Variants in HPS5 observed in about 807,000 individuals in gnomAD.
HPS5 encodes HPS5 biogenesis of lysosomal organelles complex 2 subunit 2.
In HPS5, 83 loss-of-function variants were observed where a neutral mutation model predicts 128.0. The ratio of observed to expected loss-of-function variants is 0.65; its 90% CI spans 0.54 to 0.78. The LOEUF (loss-of-function observed/expected upper bound fraction) is 0.78. Ranked by LOEUF, HPS5 falls within the 30% of genes least tolerant of loss-of-function variation. The pLI is 0.00. For synonymous variants in HPS5, 475 were observed against 470.2 expected, an observed-to-expected ratio of 1.01 and a Z score of -0.13; for missense variants, 1,281 against 1,326.2, an observed-to-expected ratio of 0.97 and a Z score of 0.53.
rs1396684052 is a variant in HPS5 at position 18,292,762 on chromosome 11, G to A, written c.1862+137C>T. 10 of 746,298 alleles carry A rather than the reference G, an allele frequency of 1.3e-5. No individual in the cohort carries two copies. The East Asian group carries it at 2.7e-4, about 20-fold the overall frequency. The allele number at this position is 746,298 out of a possible 1,614,324, so 46.2% of individuals were successfully genotyped here. ...GAAGGCAACTTGGACTTAATAAAAG[G>A]AAAGACCATTTATAGCAACTTCTCT... On this transcript the variant is annotated intron_variant, in intron 15 of 22. Coordinates refer to ENST00000349215, the MANE Select transcript of HPS5 (RefSeq NM_181507.2).
At chr11:18,287,125 G>GGGCA (rs1859847893) in intron 18 of HPS5, among the ~76,000 whole-genome samples, 2 of 152,052 alleles carry the variant, frequency 1.3e-5, no homozygotes, top group African/African-American at 4.8e-5. Context: ...AATAAGCCAG[G>GGGCA]GGCACAGGTC....
chr11:18,308,422 G>A (rs767098393), intron 6 of HPS5, among the ~76,000 whole-genome samples: 5 of 152,096 alleles, frequency 3.3e-5, no homozygotes, highest in Non-Finnish European at 5.9e-5. Flanking sequence ...CACCAGCAAC[G>A]GGCTCACGGA....
chr11:18,318,537 A>C (rs1044417833), intron 1 of HPS5, among the ~76,000 whole-genome samples: 1 of 152,262 alleles, frequency 6.6e-6, no homozygotes, highest in African/African-American at 2.4e-5. Context: ...ACGGATAAGA[A>C]TACAAGGTAA....
At chr11:18,321,542 T>C (rs565896610) in intron 1 of HPS5, among the ~76,000 whole-genome samples, 4 of 152,334 alleles carry the variant, frequency 2.6e-5, no homozygotes, top group African/African-American at 9.6e-5. Context: ...AGAGCTGAGA[T>C]TAGAATACGC....
intron 7 of HPS5, among the ~76,000 whole-genome samples, chr11:18,305,700 T>A (rs1862267917): frequency 6.6e-6 from 1 of 151,708 alleles, no homozygotes; most frequent in Non-Finnish European, 1.5e-5. Flanking sequence ...AAAATAAAAA[T>A]CCAACTTCAC....
intron 5 of HPS5, among the ~76,000 whole-genome samples, chr11:18,310,303 C>T (rs563606100): frequency 3.3e-5 from 5 of 152,240 alleles, no homozygotes; most frequent in African/African-American, 1.2e-4. Context: ...AAGTTATATC[C>T]ATCCTGATAA....
chr11:18,295,542 C>A (rs1207162602), intron 13 of HPS5, among the ~76,000 whole-genome samples: 2 of 152,162 alleles, frequency 1.3e-5, no homozygotes, highest in East Asian at 1.9e-4. Flanking sequence ...TCACAATATA[C>A]CCTTCTTAAG....
At chr11:18,320,323 T>C (rs546269456) in intron 1 of HPS5, among the ~76,000 whole-genome samples, 1 of 152,162 alleles carries the variant, frequency 6.6e-6, no homozygotes, top group African/African-American at 2.4e-5. Flanking sequence ...ATTCTCAAGA[T>C]GGAAAAAGAT....
intron 21 of HPS5, among the ~76,000 whole-genome samples, chr11:18,282,641 T>C (rs983233264): frequency 1.3e-5 from 2 of 152,034 alleles, no homozygotes; most frequent in African/African-American, 2.4e-5. Context: ...TATGTAATGA[T>C]GAACAGAAGA....
chr11:18,296,407 C>A, intron 12 of HPS5: 3 of 539,758 alleles, frequency 5.6e-6, no homozygotes, highest in Non-Finnish European at 9.9e-6. Context: ...CTAGTTCAGC[C>A]ACAGGAATAC....
In HPS5 at chr11:18,291,717, T is replaced by C. The variant is rs752116093; in HGVS notation, c.2165A>G (p.Gln722Arg). 1 of 1,614,262 alleles carries C rather than the reference T, an allele frequency of 6.2e-7. No homozygotes were observed. Residue 722 changes from glutamine to arginine, a missense_variant, in exon 16 of 23, where the codon CAA becomes CGA. Transcript: ENST00000349215. ...SPRESLDDLF[Q>R]ICSPCAIASG... ...TGCAATGGCGCATGGAGAACATATT[T>C]GAAACAGGTCATCCAAAGACTCCCT...
intron 20 of HPS5, among the ~76,000 whole-genome samples, chr11:18,284,955 C>T (rs1485854006): frequency 6.6e-6 from 1 of 152,092 alleles, no homozygotes; most frequent in Non-Finnish European, 1.5e-5. Flanking sequence ...TCACCTCCTC[C>T]TTGAGTCCTT....
At chr11:18,280,583 A>G (rs910220714) in intron 22 of HPS5, 1 of 701,072 alleles carries the variant, frequency 1.4e-6, no homozygotes, top group African/African-American at 1.7e-5. Flanking sequence ...ACATATTTGT[A>G]TACTCATATT....
At chr11:18,287,811 A>G (rs1372078583) in intron 17 of HPS5, 82 bp downstream of exon 17, 5 of 1,595,074 alleles carry the variant, frequency 3.1e-6, no homozygotes, top group Middle Eastern at 3.3e-4. Flanking sequence ...CTCATATGCA[A>G]ATGAGTAACA....
chr11:18,301,868 A>T (rs1861750856), intron 8 of HPS5, among the ~76,000 whole-genome samples: 1 of 152,134 alleles, frequency 6.6e-6, no homozygotes, highest in Admixed American at 6.6e-5. Context: ...TACGAGTCAG[A>T]ATTTATACTG....
At position 18,292,963 on chromosome 11, in the gene HPS5, C is replaced by A; in HGVS notation, c.1798G>T (p.Val600Leu). The A allele has an allele frequency of 2.5e-6, 4 of 1,613,674 alleles. No individual in the cohort carries two copies. The South Asian group carries it at 4.4e-5, about 18-fold the overall frequency. Reference sequence around the variant, plus strand: ...TCTTCTTCTGGAGGTGGACTAGTTACCTCTTTTTCCTCCCTAAAAAAGTGT... The same window carrying A: ...TCTTCTTCTGGAGGTGGACTAGTTAACTCTTTTTCCTCCCTAAAAAAGTGT... ...KEEDTEEEKE[V>L]TSPPPEEDRF... The change falls in exon 15 of 23, where the codon GTA (valine) becomes TTA (leucine). Residue 600 changes from valine to leucine, a missense_variant. Val to Leu is a conservative substitution (Grantham distance 32, BLOSUM62 1). Transcript: ENST00000349215.
rs1340826958 is a variant in HPS5, at chr11:18,309,008, A to G, written c.549T>C (p.Asp183=). The G allele has an allele frequency of 6.2e-7, 1 of 1,613,888 alleles. No individual in the cohort carries two copies. The highest frequency in any genetic ancestry group is 8.5e-7 in the Non-Finnish European group (1 of 1,179,784). ...TTVDSCVVQL[D]YLDGRLLISS... is the part of the protein sequence containing the mutation. ...ATATAAGTAGCCTTCCATCCAAATA[A>G]TCTAACTGTACAACACAGGAGTCAA... Residue 183 remains aspartate, a synonymous_variant, in exon 6 of 23, where the codon GAT becomes GAC. Coordinates refer to ENST00000349215, the MANE Select transcript of HPS5 (RefSeq NM_181507.2).
At position 18,308,949 on chromosome 11, in the gene HPS5, T is replaced by A; in HGVS notation, c.608A>T (p.Glu203Val). ...GACTAATGGTTGGTCAATATACCTC[T>A]CAGTGTCACACAAGAAGGATCGAGT... The part of the protein sequence containing the change: ...SLTRSFLCDT[E>V]REKFWKIGNK... The change falls in exon 6 of 23, where the codon GAG (glutamate) becomes GTG (valine). Residue 203 changes from glutamate to valine, a missense_variant. Physicochemically the swap from Glu to Val is moderately radical, Grantham distance 121 (BLOSUM62 -2). Transcript: ENST00000349215. 1.2e-6 allele frequency: 2 copies of A among 1,614,090 alleles called. No homozygotes were observed. Among genetic ancestry groups the A allele is most frequent in the Non-Finnish European group, 8.5e-7 (1 of 1,179,948 alleles).
chr11:18,282,233 A>AG lies in HPS5; in HGVS notation c.3059-14dup. ...TCTGGGATCCAACCTAAACACACACAGGGAAGTGTCAGTTTGACCACTCTT... is the reference window on the plus strand; with the variant it reads ...TCTGGGATCCAACCTAAACACACACAGGGGAAGTGTCAGTTTGACCACTCTT... On this transcript the variant is annotated splice_polypyrimidine_tract_variant and intron_variant, in intron 21 of 22. Transcript: ENST00000349215. 6.2e-7 allele frequency: 1 copy of AG among 1,613,814 alleles called. No individual in the cohort carries two copies. Among genetic ancestry groups the AG allele is most frequent in the South Asian group, 1.1e-5 (1 of 91,070 alleles).
Sources: allele counts gnomAD v4.1 joint callset (sites outside exome capture counted in the v4.1 genomes callset), GRCh38; gene constraint gnomAD v4.1.1; transcripts MANE v1.5; gene names NCBI Gene and HGNC (gene_info 2026-07-23, HGNC 2026-07-21).